Variants in PRMT7 observed in about 807,000 individuals in gnomAD.
PRMT7 encodes protein arginine N-methyltransferase 7.
In PRMT7, 75 loss-of-function variants were observed where a neutral mutation model predicts 85.4. That is an observed-to-expected ratio of 0.88 (90% CI 0.73 to 1.06). The LOEUF (loss-of-function observed/expected upper bound fraction) is 1.06, where lower values mean the gene tolerates loss of function less well. PRMT7 is among the 50% of genes least tolerant of loss of function. The probability of loss-of-function intolerance (pLI) is 0.00; values close to 1 mark genes in which losing one functional copy is unlikely to be tolerated. For missense variants in PRMT7, 868 were observed against 915.2 expected (o/e 0.95, Z 0.67); for synonymous variants, 397 against 359.5 (o/e 1.10, Z -1.18).
chr16:68,328,916 A>G, intron 5 of PRMT7, 150 bp from the exon 6 acceptor site: 1 of 562,906 alleles, frequency 1.8e-6, no homozygotes, highest in Non-Finnish European at 3.2e-6. Flanking sequence ...GCTGAATCTC[A>G]GCCCTTTTTC....
chr16:68,344,933 T>TACACACACACACACACATACACACAC (rs1555563399), intron 9 of PRMT7, among the ~76,000 whole-genome samples: 3,997 of 130,886 alleles, frequency 0.031, 96 homozygotes, highest in Middle Eastern at 0.063. Flanking sequence ...CCTGCATCTC[T>TACACACACACACACACATACACACAC]ACACACACAC....
chr16:68,349,453 A>G (rs1472268068), intron 14 of PRMT7, among the ~76,000 whole-genome samples: 1 of 152,106 alleles, frequency 6.6e-6, no homozygotes, highest in African/African-American at 2.4e-5. Context: ...CGGAGCTATC[A>G]TCTTTCATCT....
intron 6 of PRMT7, among the ~76,000 whole-genome samples, chr16:68,336,678 T>C (rs1030006599): frequency 1.3e-5 from 2 of 152,370 alleles, no homozygotes; most frequent in Middle Eastern, 6.8e-3. Flanking sequence ...ATAAGTTTGA[T>C]TTCTGTTTTG....
At chr16:68,324,548 G>A (rs2082876932) in intron 4 of PRMT7, 135 bp from the exon 5 acceptor site, 4 of 1,077,456 alleles carry the variant, frequency 3.7e-6, no homozygotes, top group South Asian at 1.5e-5. Flanking sequence ...AGCCAGAGCT[G>A]TTCTGCCAGG....
chr16:68,321,697 A>G (rs1158913379), intron 4 of PRMT7: 1 of 445,364 alleles, frequency 2.2e-6, no homozygotes, highest in Non-Finnish European at 4.0e-6. Flanking sequence ...GTTTATGGTA[A>G]TACAATGTGA....
chr16:68,331,623 A>G (rs2083920611), intron 6 of PRMT7, among the ~76,000 whole-genome samples: 1 of 151,738 alleles, frequency 6.6e-6, no homozygotes, highest in African/African-American at 2.4e-5. Context: ...TCATGCCACC[A>G]TGCCTGGCTA....
At chr16:68,317,431 A>C (rs146449598) in intron 3 of PRMT7, among the ~76,000 whole-genome samples, 1 of 152,110 alleles carries the variant, frequency 6.6e-6, no homozygotes, top group Non-Finnish European at 1.5e-5. Context: ...GGCTGGGTGC[A>C]GTGGCCTACA....
rs1433875683 is a variant in PRMT7 at position 68,346,244 on chromosome 16, G to C, written c.1155G>C (p.Gln385His). Residue 385 changes from glutamine to histidine, a missense_variant, in exon 11 of 19, where the codon CAG (glutamine) becomes CAC (histidine). Coordinates refer to ENST00000441236, the MANE Select transcript of PRMT7 (RefSeq NM_019023.5). Reference sequence around the variant, plus strand: ...CTCGGTTTGGAGAGATCAATGACCAGGACAGAACTGATCGATACGTCCAGG... The same window carrying C: ...CTCGGTTTGGAGAGATCAATGACCACGACAGAACTGATCGATACGTCCAGG... ...NRPRFGEIND[Q>H]DRTDRYVQAL... 1.2e-6 allele frequency: 2 copies of C among 1,614,222 alleles called. No individual in the cohort carries two copies. The highest frequency in any genetic ancestry group is 2.2e-5 in the South Asian group (2 of 91,084).
At chr16:68,323,845 T>C (rs1244829900) in intron 4 of PRMT7, 1 of 152,250 alleles carries the variant, frequency 6.6e-6, no homozygotes, top group Non-Finnish European at 1.5e-5. Flanking sequence ...TTAGTTATTT[T>C]CAACAGAAGG....
chr16:68,337,852 T>A (rs1316035857), intron 7 of PRMT7, among the ~76,000 whole-genome samples: 2 of 152,234 alleles, frequency 1.3e-5, no homozygotes, highest in Non-Finnish European at 2.9e-5. Context: ...GCTGTCAGTC[T>A]TGAGAAGTGA....
chr16:68,320,981 AAAAT>A (rs1161124492), intron 3 of PRMT7, among the ~76,000 whole-genome samples: 1 of 152,094 alleles, frequency 6.6e-6, no homozygotes, highest in Non-Finnish European at 1.5e-5. Context: ...AATAAACAAA[AAAAT>A]AGGCCAGGCG....
At chr16:68,336,905 A>G (rs1306082595) in intron 6 of PRMT7, among the ~76,000 whole-genome samples, 3 of 152,204 alleles carry the variant, frequency 2.0e-5, no homozygotes, top group Non-Finnish European at 4.4e-5. Context: ...GGCGTGTGCC[A>G]TCACACCTGG....
chr16:68,331,690 T>G (rs1404643148), intron 6 of PRMT7, among the ~76,000 whole-genome samples: 1 of 151,986 alleles, frequency 6.6e-6, no homozygotes, highest in Non-Finnish European at 1.5e-5. Flanking sequence ...CTTAGGCTGG[T>G]CTCAAACTCC....
intron 14 of PRMT7, 78 bp from the exon 15 acceptor site, chr16:68,352,170 G>A: frequency 6.8e-7 from 1 of 1,468,416 alleles, no homozygotes; most frequent in African/African-American, 1.4e-5. Flanking sequence ...TGAGTGGCCT[G>A]TTGCTTCCGT....
At chr16:68,349,163 C>T (rs1037992803) in intron 14 of PRMT7, among the ~76,000 whole-genome samples, 1 of 152,158 alleles carries the variant, frequency 6.6e-6, no homozygotes, top group Non-Finnish European at 1.5e-5. Context: ...ATCTGCTCTA[C>T]CCGCTTGTCC....
In PRMT7 at chr16:68,339,907, A is replaced by C. The variant is rs2085258155; in HGVS notation, c.866A>C (p.Glu289Ala). 1 of 1,614,072 alleles carries C rather than the reference A, an allele frequency of 6.2e-7. No homozygotes were observed. Among genetic ancestry groups the C allele is most frequent in the East Asian group, 2.2e-5 (1 of 44,896 alleles). ...LSWWDIEMDP[E>A]GKIKCTMAPF... ...TGGTGGGACATTGAAATGGACCCTGAGGGGAAGATCAAGTGCACCATGGCC... is the reference window on the plus strand; with the variant it reads ...TGGTGGGACATTGAAATGGACCCTGCGGGGAAGATCAAGTGCACCATGGCC... The change falls in exon 9 of 19, where the codon GAG becomes GCG. Residue 289 changes from glutamate (E) to alanine (A), a missense_variant. Coordinates refer to ENST00000441236, the MANE Select transcript of PRMT7 (RefSeq NM_019023.5).
At chr16:68,350,831 T>G (rs1275231857) in intron 14 of PRMT7, among the ~76,000 whole-genome samples, 2 of 152,372 alleles carry the variant, frequency 1.3e-5, no homozygotes, top group African/African-American at 2.4e-5. Flanking sequence ...TGTGTGGTCT[T>G]TCGTGGCTGG....
intron 9 of PRMT7, among the ~76,000 whole-genome samples, chr16:68,341,479 A>G (rs1300747978): frequency 2.0e-5 from 3 of 152,118 alleles, no homozygotes; most frequent in Admixed American, 6.5e-5. Context: ...GCGCGATCTC[A>G]GCTCACTGCA....
At chr16:68,353,790 A>G (rs2087807221) in intron 16 of PRMT7, among the ~76,000 whole-genome samples, 1 of 152,142 alleles carries the variant, frequency 6.6e-6, no homozygotes, top group Non-Finnish European at 1.5e-5. Flanking sequence ...ACGTCCTGTC[A>G]TTGCAACTGC....
Sources: allele counts gnomAD v4.1 joint callset (sites outside exome capture counted in the v4.1 genomes callset), GRCh38; gene constraint gnomAD v4.1.1; transcripts MANE v1.5; gene names NCBI Gene and HGNC (gene_info 2026-07-23, HGNC 2026-07-21).